Variants in ZFHX3 observed in about 807,000 individuals in gnomAD.
ZFHX3 encodes zinc finger homeobox 3, also known as zinc finger homeobox protein 3.
In ZFHX3, 42 loss-of-function variants were observed where a neutral mutation model predicts 279.1. The observed-to-expected ratio is 0.15, with a 90% CI of 0.12 to 0.19. The LOEUF (loss-of-function observed/expected upper bound fraction) is 0.19, where lower values mean the gene tolerates loss of function less well. Ranked by LOEUF, ZFHX3 falls within the 10% of genes least tolerant of loss-of-function variation. The pLI, the probability that ZFHX3 is intolerant of heterozygous loss-of-function variation, is 1.00. For missense variants in ZFHX3, 4,981 were observed against 4,754.0 expected (o/e 1.05, Z -1.40); for synonymous variants, 2,293 against 1,957.8 (o/e 1.17, Z -4.52).
intron 2 of ZFHX3, among the ~76,000 whole-genome samples, chr16:73,625,728 G>C (rs2052408830): frequency 6.6e-6 from 1 of 152,230 alleles, no homozygotes; most frequent in African/African-American, 2.4e-5. Flanking sequence ...ACTAGGTCCA[G>C]GGTGGGGCCC....
At chr16:73,277,278 T>C (rs765377066) in intron 4 of ZFHX3, among the ~76,000 whole-genome samples, 2 of 152,170 alleles carry the variant, frequency 1.3e-5, no homozygotes, top group Non-Finnish European at 2.9e-5. Context: ...AAATATTTAA[T>C]TTTCAGAATG....
At chr16:73,373,358 T>C (rs1173718501) in intron 3 of ZFHX3, among the ~76,000 whole-genome samples, 4 of 152,144 alleles carry the variant, frequency 2.6e-5, no homozygotes, top group East Asian at 1.9e-4. Context: ...TCTACCCCCA[T>C]TGACCTAGGA....
intron 1 of ZFHX3, among the ~76,000 whole-genome samples, chr16:73,777,277 G>T (rs1567407271): frequency 6.6e-6 from 1 of 152,228 alleles, no homozygotes; most frequent in East Asian, 1.9e-4. Flanking sequence ...GCCAAGGCAG[G>T]AGGATCATGA....
chr16:73,113,554 A>T (rs183774834), intron 7 of ZFHX3, among the ~76,000 whole-genome samples: 57 of 152,320 alleles, frequency 3.7e-4, no homozygotes, highest in Middle Eastern at 6.8e-3. Context: ...TTATGCAAGA[A>T]TCCCATGGGC....
chr16:73,084,661 G>A (rs893313414), intron 8 of ZFHX3, among the ~76,000 whole-genome samples: 1 of 151,690 alleles, frequency 6.6e-6, no homozygotes, highest in African/African-American at 2.4e-5. Context: ...GAGACTACAG[G>A]TGCCTGCCAC....
chr16:73,860,683 GT>G (rs1961858192), intron 1 of ZFHX3, among the ~76,000 whole-genome samples: 1 of 152,158 alleles, frequency 6.6e-6, no homozygotes, highest in South Asian at 2.1e-4. Flanking sequence ...CCTTCGGCCT[GT>G]TTTATATTTC....
intron 5 of ZFHX3, among the ~76,000 whole-genome samples, chr16:73,245,924 T>C (rs1248008400): frequency 6.6e-6 from 1 of 152,144 alleles, no homozygotes; most frequent in African/African-American, 2.4e-5. Context: ...GGTTGAGTCC[T>C]TGGGCGTGGA....
chr16:73,179,507 A>G (rs1967743837), intron 5 of ZFHX3, among the ~76,000 whole-genome samples: 1 of 152,134 alleles, frequency 6.6e-6, no homozygotes, highest in Non-Finnish European at 1.5e-5. Context: ...CAAGTGCCAA[A>G]TAAATAAGTG....
intron 7 of ZFHX3, among the ~76,000 whole-genome samples, chr16:73,105,455 A>ATT (rs760586632): frequency 1.9e-4 from 13 of 69,536 alleles, no homozygotes; most frequent in African/African-American, 9.0e-4. Context: ...ATATATATAT[A>ATT]TATTTTTTCC....
chr16:72,826,986 G>T (rs112786988), intron 5 of ZFHX3, among the ~76,000 whole-genome samples: 2 of 152,116 alleles, frequency 1.3e-5, no homozygotes, highest in Non-Finnish European at 2.9e-5. Flanking sequence ...CTCAACAAAG[G>T]CTGCCCTAAA....
At chr16:73,861,788 T>C (rs188443586) in intron 1 of ZFHX3, among the ~76,000 whole-genome samples, 272 of 152,316 alleles carry the variant, frequency 1.8e-3, no homozygotes, top group African/African-American at 6.2e-3. Flanking sequence ...CCTAATGCTA[T>C]TTCTGTGTAC....
intron 4 of ZFHX3, among the ~76,000 whole-genome samples, chr16:73,303,316 T>C (rs2015102306): frequency 6.6e-6 from 1 of 152,176 alleles, no homozygotes; most frequent in Admixed American, 6.5e-5. Context: ...GTATGAGCCA[T>C]TATGTTGGGC....
At chr16:72,866,700 G>A (rs2038032950) in intron 4 of ZFHX3, among the ~76,000 whole-genome samples, 1 of 152,140 alleles carries the variant, frequency 6.6e-6, no homozygotes, top group African/African-American at 2.4e-5. Flanking sequence ...TGGGTGCTGG[G>A]TCTAAGTAGA....
chr16:72,847,272 T>C (rs1597304919), intron 4 of ZFHX3, among the ~76,000 whole-genome samples: 1 of 152,318 alleles, frequency 6.6e-6, no homozygotes, highest in Non-Finnish European at 1.5e-5. Context: ...AAATTGGCTG[T>C]TGTAGAAGAA....
At chr16:73,061,513 T>A (rs1159458717), upstream of ZFHX3, 1 of 141,508 alleles carries the variant, frequency 7.1e-6, no homozygotes, top group Admixed American at 7.7e-5. Flanking sequence ...TGATTATTAT[T>A]TTAAATTTTT....
intron 5 of ZFHX3, among the ~76,000 whole-genome samples, chr16:73,157,525 T>C (rs1254145173): frequency 2.1e-5 from 3 of 143,656 alleles, no homozygotes; most frequent in Non-Finnish European, 4.5e-5. Context: ...GATATAATAA[T>C]TATGCCATTT....
At chr16:72,790,560 T>G (rs1245005490) in intron 9 of ZFHX3, 1 of 152,208 alleles carries the variant, frequency 6.6e-6, no homozygotes, top group Non-Finnish European at 1.5e-5. Context: ...AGAACAAGAC[T>G]GCTTCAAATT....
chr16:73,415,511 T>A (rs1290686686), intron 3 of ZFHX3, among the ~76,000 whole-genome samples: 2 of 152,238 alleles, frequency 1.3e-5, no homozygotes, highest in African/African-American at 4.8e-5. Context: ...TTCATCTGTT[T>A]CAAGGGCCAG....
chr16:72,924,067 AAC>A (rs1373755281), intron 3 of ZFHX3, among the ~76,000 whole-genome samples: 1 of 152,234 alleles, frequency 6.6e-6, no homozygotes. Flanking sequence ...AATGCTATAA[AAC>A]ACACTGTTCT....
Sources: allele counts gnomAD v4.1 joint callset (sites outside exome capture counted in the v4.1 genomes callset), GRCh38; gene constraint gnomAD v4.1.1; transcripts MANE v1.5; gene names NCBI Gene and HGNC (gene_info 2026-07-23, HGNC 2026-07-21).